BTNL3: variants seen among roughly 807,000 people sequenced by gnomAD.
BTNL3 encodes the protein butyrophilin-like protein 3.
A neutral mutation model predicts 40.1 loss-of-function variants in BTNL3; 20 were observed. The observed-to-expected ratio is 0.50, with a 90% CI of 0.35 to 0.72. The LOEUF (loss-of-function observed/expected upper bound fraction) is 0.72, where lower values mean the gene tolerates loss of function less well. Ranked by LOEUF, BTNL3 falls within the 30% of genes least tolerant of loss-of-function variation. BTNL3 has a pLI of 0.01. For missense variants in BTNL3, 449 were observed against 582.2 expected (o/e 0.77, Z 2.35); for synonymous variants, 179 against 222.1 (o/e 0.81, Z 1.73).
intron 3 of BTNL3, among the ~76,000 whole-genome samples, chr5:181,000,545 G>A (rs528883952): frequency 1.5e-5 from 2 of 136,204 alleles, no homozygotes; most frequent in Non-Finnish European, 3.3e-5. Context: ...GGTGGCTCAC[G>A]CCTGTAATCC....
chr5:180,993,781 T>C lies in BTNL3; in HGVS notation c.397+621T>C, dbSNP rs1228584914. ...CTTAATTTCTGTTTAAACCATCATA[T>C]ATAATTTTCATTTTTATTTTTTATT... On this transcript the variant is annotated intron_variant, in intron 2 of 7. Coordinates refer to ENST00000342868, the MANE Select transcript of BTNL3 (RefSeq NM_197975.3). Among the ~76,000 whole-genome samples the C allele has an allele frequency of 7.3e-5, 10 of 136,794 alleles. 1 individual carries two copies. The highest frequency in any genetic ancestry group is 6.2e-4 in the Admixed American group (8 of 12,962). The allele number at this position is 136,794 out of a possible 152,430, so 89.7% of individuals were successfully genotyped here.
chr5:181,002,133 C>A (rs1333641527), intron 3 of BTNL3, among the ~76,000 whole-genome samples: 1 of 132,812 alleles, frequency 7.5e-6, no homozygotes, highest in Non-Finnish European at 1.7e-5. Context: ...GAAGATTAAG[C>A]CAATTAAAAT....
rs1380673899 is a variant in BTNL3 at position 181,005,412 on chromosome 5, C to T, written c.941C>T (p.Ala314Val). The change falls in exon 8 of 8, where the codon GCT becomes GTT. Residue 314 changes from alanine to valine, a missense_variant. Around this residue, in one of 2 missense-constraint regions of BTNL3, gnomAD observed 323 missense variants for 464.9 expected, o/e 0.69. Coordinates refer to ENST00000342868, the MANE Select transcript of BTNL3 (RefSeq NM_197975.3). ...SDLKTVTHRK[A>V]PQEVPHSEKR... ...CTGAAAACTGTAACCCATAGAAAAG[C>T]TCCCCAGGAGGTGCCTCACTCTGAG... is the stretch of plus-strand genomic sequence containing the variant. 1.2e-6 allele frequency: 2 copies of T among 1,613,876 alleles called. No individual in the cohort carries two copies. The highest frequency in any genetic ancestry group is 2.7e-5 in the African/African-American group (2 of 74,882).
chr5:180,993,602 A>G (rs1389755291), intron 2 of BTNL3, among the ~76,000 whole-genome samples: 1 of 135,704 alleles, frequency 7.4e-6, no homozygotes, highest in African/African-American at 2.5e-5. Context: ...TATGATATTC[A>G]TATATAATTT....
At chr5:180,999,809 TA>T (rs1308578227) in intron 3 of BTNL3, among the ~76,000 whole-genome samples, 4 of 135,468 alleles carry the variant, frequency 3.0e-5, no homozygotes, top group Non-Finnish European at 6.7e-5. Context: ...CAAAAATTTT[TA>T]AAAAAGAAGA....
At chr5:181,002,037 C>T (rs2113085455) in intron 3 of BTNL3, among the ~76,000 whole-genome samples, 1 of 134,782 alleles carries the variant, frequency 7.4e-6, no homozygotes. Flanking sequence ...TGTGGCAAAA[C>T]AAATAGCCAA....
chr5:181,006,051 C>T lies in BTNL3; in HGVS notation c.*179C>T. On this transcript the variant is annotated 3_prime_UTR_variant, in exon 8 of 8. Transcript: ENST00000342868. ...CCCTGAGCCCTGCAGCAGCGGCAGT[C>T]ACAGCTTCCAGATGAGGGGGGATTG... The T allele has an allele frequency of 1.5e-6, 1 of 669,152 alleles. No individual in the cohort carries two copies. Among genetic ancestry groups the T allele is most frequent in the Non-Finnish European group, 2.4e-6 (1 of 420,136 alleles). The allele number at this position is 669,152 out of a possible 1,614,324, so 41.5% of individuals were successfully genotyped here. A position where few individuals can be genotyped will look rare whatever the true frequency, so the allele number is the denominator to read the frequency against.
chr5:181,006,300 T>C lies in BTNL3; in HGVS notation c.*428T>C, dbSNP rs1283625370. ...CATGCTTGCAGGTTTGAGGGCACAG[T>C]GTTTGCTAATGATGTGTTTTTATAT... On this transcript the variant is annotated 3_prime_UTR_variant, in exon 8 of 8. Transcript: ENST00000342868. 2.9e-6 allele frequency: 1 copy of C among 339,754 alleles called. No individual in the cohort carries two copies. The highest frequency in any genetic ancestry group is 1.5e-4 in the South Asian group (1 of 6,878). The allele number at this position is 339,754 out of a possible 1,614,324, so 21.0% of individuals were successfully genotyped here. A position where few individuals can be genotyped will look rare whatever the true frequency, so the allele number is the denominator to read the frequency against.
At chr5:180,993,489 C>T (rs1007092529) in intron 2 of BTNL3, among the ~76,000 whole-genome samples, 1 of 136,922 alleles carries the variant, frequency 7.3e-6, no homozygotes, top group South Asian at 2.2e-4. Flanking sequence ...TTCTTGACTT[C>T]TTGTGTGTTA....
intron 1 of BTNL3, among the ~76,000 whole-genome samples, chr5:180,991,407 G>A (rs1759969799): frequency 7.3e-6 from 1 of 137,032 alleles, no homozygotes; most frequent in Non-Finnish European, 1.7e-5. Flanking sequence ...ATGGATACAT[G>A]TGAATGAATC....
rs1760203457 is a variant in BTNL3 at position 181,005,363 on chromosome 5, C to T, written c.892C>T (p.His298Tyr). The change falls in exon 8 of 8, where the codon CAC becomes TAC. Residue 298 changes from histidine to tyrosine, a missense_variant. This residue lies in a region of BTNL3 where 323 missense variants were observed against 464.9 expected (regional missense o/e 0.69). Transcript: ENST00000342868. Reference sequence around the variant, plus strand: ...GGTGACTCTGGATCCAGAGACGGCTCACCCGAAGCTCTGCGTTTCTGATCT... The same window carrying T: ...GGTGACTCTGGATCCAGAGACGGCTTACCCGAAGCTCTGCGTTTCTGATCT... ...VEVTLDPETA[H>Y]PKLCVSDLKT... The T allele has an allele frequency of 6.2e-7, 1 of 1,612,232 alleles. No homozygotes were observed. Among genetic ancestry groups the T allele is most frequent in the Non-Finnish European group, 8.5e-7 (1 of 1,179,520 alleles).
rs1005480193 is a variant in BTNL3, at chr5:180,996,387, T to C, written c.398-826T>C. On this transcript the variant is annotated intron_variant, in intron 2 of 7. Transcript: ENST00000342868. The stretch of plus-strand genomic sequence containing the variant: ...AGTGTTCTCTATGGTCCCTCCTCCA[T>C]GCTGCTGCCTGGAGACCTCTCTAAC... 1.5e-5 allele frequency among the ~76,000 whole-genome samples: 2 copies of C among 135,918 alleles called. 1 individual carries two copies. 89.2% of individuals were successfully genotyped at this position (135,918 alleles called of 152,430 possible).
At position 180,997,139 on chromosome 5, in the gene BTNL3, T is replaced by G. The variant is rs1403232763; in HGVS notation, c.398-74T>G. The G allele has an allele frequency of 8.3e-6, 12 of 1,453,098 alleles. 1 individual carries two copies. Among genetic ancestry groups the G allele is most frequent in the Admixed American group, 3.8e-5 (2 of 53,218 alleles). The allele number at this position is 1,453,098 out of a possible 1,614,324, so 90.0% of individuals were successfully genotyped here. ...TGTATGTGTGTTATGGGTACAGGCT[T>G]GATGAACCAGACTCAAAATGCTGTA... is the stretch of plus-strand genomic sequence containing the variant. On this transcript the variant is annotated intron_variant, in intron 2 of 7. Transcript: ENST00000342868.
At chr5:181,003,985 G>T in intron 5 of BTNL3, 109 bp downstream of exon 5, 2 of 1,554,270 alleles carry the variant, frequency 1.3e-6, no homozygotes, top group Non-Finnish European at 1.8e-6. Context: ...GGAAGCACCG[G>T]CAGGTGGAGG....
intron 3 of BTNL3, among the ~76,000 whole-genome samples, chr5:181,002,077 A>T (rs1461376685): frequency 7.5e-6 from 1 of 134,184 alleles, no homozygotes; most frequent in Non-Finnish European, 1.7e-5. Context: ...GAATAAGAGC[A>T]AGCTAAGAAG....
chr5:181,005,956 C>T lies in BTNL3; in HGVS notation c.*84C>T. On this transcript the variant is annotated 3_prime_UTR_variant, in exon 8 of 8. Coordinates refer to ENST00000342868, the MANE Select transcript of BTNL3 (RefSeq NM_197975.3). ...GAGTGCTCCCGACAGGTGGCCCCAG[C>T]TTCCTCTCCGGAGCCTGCGCACAGA... 7.1e-7 allele frequency: 1 copy of T among 1,413,722 alleles called. No individual in the cohort carries two copies. The highest frequency in any genetic ancestry group is 1.5e-5 in the South Asian group (1 of 67,654). The allele number at this position is 1,413,722 out of a possible 1,614,324, so 87.6% of individuals were successfully genotyped here.
intron 2 of BTNL3, among the ~76,000 whole-genome samples, chr5:180,996,974 A>G (rs1760041345): frequency 7.3e-6 from 1 of 136,794 alleles, no homozygotes; most frequent in South Asian, 2.2e-4. Context: ...TAAATGTTGA[A>G]TGAACATAGA....
chr5:181,004,852 T>A (rs1760190119), intron 7 of BTNL3, 90 bp downstream of exon 7: 1 of 1,611,844 alleles, frequency 6.2e-7, no homozygotes, highest in Non-Finnish European at 8.5e-7. Context: ...AGACAGCAAA[T>A]CTGTGATGCC....
intron 3 of BTNL3, among the ~76,000 whole-genome samples, chr5:181,002,268 C>T (rs1760123318): frequency 7.9e-6 from 1 of 127,206 alleles, no homozygotes; most frequent in South Asian, 2.3e-4. Flanking sequence ...AAGCAAGGTC[C>T]ACTCAACAAA....
Sources: gnomAD v4.1 joint callset for allele counts (sites outside exome capture counted in the v4.1 genomes callset) on GRCh38, gnomAD v4.1.1 for gene constraint, gnomAD v4.1.1 regional missense constraint, MANE v1.5 for transcripts, NCBI Gene and HGNC (gene_info 2026-07-23, HGNC 2026-07-21) for gene names.